ROR1: variants seen among roughly 807,000 people sequenced by gnomAD.
ROR1 encodes the protein inactive tyrosine-protein kinase transmembrane receptor ROR1.
ROR1 carries 19 observed loss-of-function variants against 78.8 expected under a neutral mutation model. The ratio of observed to expected loss-of-function variants is 0.24; its 90% CI spans 0.17 to 0.35. The LOEUF is 0.35. ROR1 is among the 10% of genes least tolerant of loss of function. The pLI is 1.00. For missense variants in ROR1, 917 were observed against 1,177.8 expected (o/e 0.78, Z 3.24); for synonymous variants, 386 against 433.6 (o/e 0.89, Z 1.36).
intron 1 of ROR1, among the ~76,000 whole-genome samples, chr1:63,782,549 T>G (rs1018248115): frequency 1.5e-5 from 2 of 131,040 alleles, no homozygotes; most frequent in Non-Finnish European, 3.1e-5. Context: ...TTGAGGTTTT[T>G]TTTTTTTGTT....
intron 4 of ROR1, among the ~76,000 whole-genome samples, chr1:64,113,190 A>T (rs1013897592): frequency 6.6e-6 from 1 of 151,958 alleles, no homozygotes; most frequent in South Asian, 2.1e-4. Flanking sequence ...ACACTCTTTT[A>T]TAGTTATTTC....
At chr1:64,151,126 G>C (rs188333804) in intron 7 of ROR1, among the ~76,000 whole-genome samples, 162 of 152,342 alleles carry the variant, frequency 1.1e-3, no homozygotes, top group Middle Eastern at 6.8e-3. Flanking sequence ...TAATTATTTA[G>C]GGAGGCATTG....
At chr1:63,843,341 G>T in intron 1 of ROR1, 1 of 1,023,526 alleles carries the variant, frequency 9.8e-7, no homozygotes, top group Non-Finnish European at 1.5e-6. Flanking sequence ...AGCTGGCATA[G>T]ATCATTTTGC....
chr1:64,123,245 T>C (rs989079493), intron 4 of ROR1, among the ~76,000 whole-genome samples: 4 of 152,172 alleles, frequency 2.6e-5, no homozygotes, highest in Non-Finnish European at 4.4e-5. Flanking sequence ...AAGCATAGTT[T>C]GGTGAGTATA....
chr1:63,904,585 GTA>G (rs1252696500), intron 1 of ROR1, among the ~76,000 whole-genome samples: 1 of 152,102 alleles, frequency 6.6e-6, no homozygotes. Flanking sequence ...CTTTAAATTC[GTA>G]TATTGAAGGC....
chr1:64,174,475 C>T (rs566751688), intron 8 of ROR1, among the ~76,000 whole-genome samples: 73 of 152,096 alleles, frequency 4.8e-4, no homozygotes, highest in Admixed American at 1.2e-3. Flanking sequence ...TGCCATACTG[C>T]CTATGGATAC....
intron 7 of ROR1, among the ~76,000 whole-genome samples, chr1:64,145,789 C>T (rs1649456716): frequency 6.6e-6 from 1 of 152,166 alleles, no homozygotes. Flanking sequence ...TTACTAAGCA[C>T]CTTCCACGCA....
chr1:64,064,653 G>C (rs1309558549), intron 4 of ROR1, among the ~76,000 whole-genome samples: 2 of 152,340 alleles, frequency 1.3e-5, no homozygotes, highest in African/African-American at 4.8e-5. Context: ...AGCATTCAAA[G>C]CTGCAATTCC....
chr1:64,127,181 T>G (rs548962667), intron 4 of ROR1, among the ~76,000 whole-genome samples: 1 of 152,214 alleles, frequency 6.6e-6, no homozygotes, highest in Non-Finnish European at 1.5e-5. Context: ...AATACTGTTT[T>G]GTGTTGTCTC....
intron 8 of ROR1, among the ~76,000 whole-genome samples, chr1:64,162,159 C>T (rs906183612): frequency 6.6e-6 from 1 of 152,154 alleles, no homozygotes; most frequent in Non-Finnish European, 1.5e-5. Flanking sequence ...TCTGCCCTAG[C>T]CTTATTCTTT....
At chr1:64,050,282 T>C (rs78707333) in intron 3 of ROR1, among the ~76,000 whole-genome samples, 13 of 152,268 alleles carry the variant, frequency 8.5e-5, no homozygotes, top group African/African-American at 3.1e-4. Flanking sequence ...ATGCTTCTTG[T>C]CCAAGAAGTT....
At chr1:63,863,795 TGTATTGTATC>T (rs1226587747) in intron 1 of ROR1, among the ~76,000 whole-genome samples, 1 of 103,114 alleles carries the variant, frequency 9.7e-6, no homozygotes, top group African/African-American at 4.4e-5. Flanking sequence ...TGTATTGTAT[TGTATTGTATC>T]ATAGATGGCG....
rs1649276372 is a variant in ROR1, at chr1:64,140,525, T to G, written c.928+99T>G. The G allele has an allele frequency of 7.2e-6, 8 of 1,109,120 alleles. No individual in the cohort carries two copies. The South Asian group carries it at 1.2e-4, about 17-fold the overall frequency. 68.7% of individuals were successfully genotyped at this position (1,109,120 alleles called of 1,614,324 possible). A position where few individuals can be genotyped will look rare whatever the true frequency, so the allele number is the denominator to read the frequency against. On this transcript the variant is annotated intron_variant, in intron 6 of 8. Transcript: ENST00000371079. ...TGACCCATAGTGATTTTCATACTGT[T>G]AATCAAATTATTTTCCAATGGGCTG...
intron 1 of ROR1, among the ~76,000 whole-genome samples, chr1:63,966,986 A>G (rs563883258): frequency 6.6e-6 from 1 of 152,330 alleles, no homozygotes; most frequent in African/African-American, 2.4e-5. Context: ...CTGCCTCATC[A>G]GACTGGACTC....
intron 2 of ROR1, among the ~76,000 whole-genome samples, chr1:64,046,693 T>A (rs987545784): frequency 1.3e-5 from 2 of 152,170 alleles, no homozygotes; most frequent in Non-Finnish European, 2.9e-5. Flanking sequence ...CACCTTGGTT[T>A]AGGGAGATAT....
intron 1 of ROR1, among the ~76,000 whole-genome samples, chr1:63,827,392 C>T (rs940251909): frequency 1.3e-5 from 2 of 152,118 alleles, no homozygotes; most frequent in Non-Finnish European, 2.9e-5. Flanking sequence ...CCTGTCCCAA[C>T]CTCACCCCAC....
At chr1:64,070,627 T>C (rs1329686660) in intron 4 of ROR1, among the ~76,000 whole-genome samples, 4 of 151,734 alleles carry the variant, frequency 2.6e-5, no homozygotes, top group Non-Finnish European at 5.9e-5. Context: ...GCCTATGCTT[T>C]AGTTTTTTCA....
intron 8 of ROR1, among the ~76,000 whole-genome samples, chr1:64,162,115 C>G (rs745481762): frequency 6.6e-6 from 1 of 152,052 alleles, no homozygotes; most frequent in Non-Finnish European, 1.5e-5. Context: ...TATTTGGAGG[C>G]GAGGATGAAA....
intron 2 of ROR1, among the ~76,000 whole-genome samples, chr1:64,013,154 AG>A (rs1248715386): frequency 1.3e-5 from 2 of 152,184 alleles, no homozygotes; most frequent in East Asian, 3.9e-4. Context: ...AACTCATTGG[AG>A]AGTAAGAAGT....
Sources: allele counts gnomAD v4.1 joint callset (sites outside exome capture counted in the v4.1 genomes callset), GRCh38; gene constraint gnomAD v4.1.1; transcripts MANE v1.5; gene names NCBI Gene and HGNC (gene_info 2026-07-23, HGNC 2026-07-21).